ABHD12: variants seen among roughly 807,000 people sequenced by gnomAD.
The protein encoded by ABHD12 is lysophosphatidylserine lipase ABHD12.
ABHD12 carries 43 observed loss-of-function variants against 58.3 expected under a neutral mutation model. That is an observed-to-expected ratio of 0.74 (90% CI 0.58 to 0.95). ABHD12 has a LOEUF of 0.95. ABHD12 is among the 40% of genes least tolerant of loss of function. The pLI is 0.00. For missense variants in ABHD12, 539 were observed against 537.2 expected (o/e 1.00, Z -0.03); for synonymous variants, 219 against 211.2 (o/e 1.04, Z -0.32).
chr20:25,339,698 G>T, intron 1 of ABHD12: 2 of 1,373,840 alleles, frequency 1.5e-6, no homozygotes, highest in Non-Finnish European at 1.9e-6. Context: ...CTGTAACCTC[G>T]TATCAGGAAA....
At chr20:25,367,253 AAAAC>A (rs1222427168) in intron 1 of ABHD12, among the ~76,000 whole-genome samples, 1 of 152,230 alleles carries the variant, frequency 6.6e-6, no homozygotes, top group Admixed American at 6.5e-5. Flanking sequence ...TAGTCATTAA[AAAAC>A]AAAGAATGAG....
chr20:25,296,295 A>C, downstream of ABHD12: 2 of 1,561,314 alleles, frequency 1.3e-6, no homozygotes, highest in Non-Finnish European at 1.8e-6. Context: ...ACAGTCCTAA[A>C]GTTCTGGAAT....
intron 2 of ABHD12, among the ~76,000 whole-genome samples, chr20:25,331,095 T>A (rs898509685): frequency 9.9e-5 from 15 of 151,998 alleles, no homozygotes; most frequent in Non-Finnish European, 1.8e-4. Context: ...ATAACTAGAA[T>A]AACCAATACA....
At chr20:25,363,226 T>TC (rs1008584864) in intron 1 of ABHD12, among the ~76,000 whole-genome samples, 2 of 150,628 alleles carry the variant, frequency 1.3e-5, no homozygotes, top group African/African-American at 2.4e-5. Context: ...TTTTACTTTT[T>TC]TTTTTTTTTT....
At chr20:25,389,535 C>T (rs1473388329) in intron 1 of ABHD12, among the ~76,000 whole-genome samples, 1 of 152,192 alleles carries the variant, frequency 6.6e-6, no homozygotes, top group East Asian at 1.9e-4. Context: ...AGTAGCAAGG[C>T]TTCAAAGCTG....
At chr20:25,346,579 G>C (rs1056068033) in intron 1 of ABHD12, among the ~76,000 whole-genome samples, 22 of 152,172 alleles carry the variant, frequency 1.4e-4, no homozygotes, top group Admixed American at 1.4e-3. Context: ...CGGGGCAGGA[G>C]TGTATGGGAA....
At chr20:25,312,285 T>C (rs994440991) in intron 6 of ABHD12, among the ~76,000 whole-genome samples, 4 of 152,032 alleles carry the variant, frequency 2.6e-5, no homozygotes, top group African/African-American at 7.2e-5. Flanking sequence ...CCTGCCTGAT[T>C]CTCCTGCCTC....
chr20:25,375,989 G>C (rs1423391108), intron 1 of ABHD12, among the ~76,000 whole-genome samples: 1 of 152,096 alleles, frequency 6.6e-6, no homozygotes, highest in Non-Finnish European at 1.5e-5. Context: ...TGGGCGTGGT[G>C]GTGGGCGCCT....
intron 1 of ABHD12, among the ~76,000 whole-genome samples, chr20:25,369,107 GACC>G (rs1019220029): frequency 3.3e-5 from 5 of 151,880 alleles, no homozygotes; most frequent in African/African-American, 1.2e-4. Context: ...GACAGAGAAG[GACC>G]ACATTTCAAA....
chr20:25,387,434 G>A (rs1312046729), intron 1 of ABHD12, among the ~76,000 whole-genome samples: 1 of 151,534 alleles, frequency 6.6e-6, no homozygotes, highest in Non-Finnish European at 1.5e-5. Context: ...GGTGGCACAT[G>A]CCTGTAATCC....
At chr20:25,360,586 C>T (rs2089733278) in intron 1 of ABHD12, among the ~76,000 whole-genome samples, 1 of 152,080 alleles carries the variant, frequency 6.6e-6, no homozygotes, top group African/African-American at 2.4e-5. Context: ...GTAGATTTAA[C>T]TATTTCCTCT....
At chr20:25,379,105 T>C (rs2089992957) in intron 1 of ABHD12, among the ~76,000 whole-genome samples, 1 of 152,148 alleles carries the variant, frequency 6.6e-6, no homozygotes, top group African/African-American at 2.4e-5. Flanking sequence ...CACCTTCGTC[T>C]CAAACCCAGC....
intron 8 of ABHD12, among the ~76,000 whole-genome samples, 160 bp from the exon 9 acceptor site, chr20:25,308,205 C>A (rs2088781532): frequency 6.6e-6 from 1 of 152,232 alleles, no homozygotes; most frequent in Non-Finnish European, 1.5e-5. Flanking sequence ...GGGTGCCCGC[C>A]AGGGGAACAG....
chr20:25,385,796 G>C (rs1038470657), intron 1 of ABHD12, among the ~76,000 whole-genome samples: 7 of 152,066 alleles, frequency 4.6e-5, no homozygotes, highest in African/African-American at 1.7e-4. Context: ...TCTTAAGCTG[G>C]CTAAAAGTTT....
intron 1 of ABHD12, among the ~76,000 whole-genome samples, chr20:25,375,669 G>C (rs1218156425): frequency 6.7e-6 from 1 of 150,268 alleles, no homozygotes; most frequent in Non-Finnish European, 1.5e-5. Context: ...TCCTTTGTCT[G>C]TCACTTCTCC....
At chr20:25,314,833 T>C (rs1175659064) in intron 6 of ABHD12, 92 bp downstream of exon 6, 1 of 1,417,056 alleles carries the variant, frequency 7.1e-7, no homozygotes, top group Non-Finnish European at 1.0e-6. Context: ...GCGCTGGCCT[T>C]GCTCCGAGCC....
At chr20:25,360,376 G>A (rs1352850170) in intron 1 of ABHD12, among the ~76,000 whole-genome samples, 1 of 151,296 alleles carries the variant, frequency 6.6e-6, no homozygotes, top group African/African-American at 2.4e-5. Context: ...AAGTAGCTGG[G>A]ATTACAGGCA....
intron 12 of ABHD12, chr20:25,295,106 G>C: frequency 7.0e-7 from 1 of 1,422,494 alleles, no homozygotes; most frequent in South Asian, 1.1e-5. Context: ...ATAGTGAACA[G>C]AAATGCATTT....
At chr20:25,339,109 CT>C in intron 2 of ABHD12, 117 bp downstream of exon 2, 1 of 1,495,302 alleles carries the variant, frequency 6.7e-7, no homozygotes, top group Non-Finnish European at 9.1e-7. Flanking sequence ...GATATGTACC[CT>C]TCACTGTATG....
Sources: gnomAD v4.1 joint callset for allele counts (sites outside exome capture counted in the v4.1 genomes callset) on GRCh38, gnomAD v4.1.1 for gene constraint, MANE v1.5 for transcripts, NCBI Gene and HGNC (gene_info 2026-07-23, HGNC 2026-07-21) for gene names.